NRG3: variants seen among roughly 807,000 people sequenced by gnomAD.
The protein encoded by NRG3 is neuregulin 3.
Under a neutral mutation model 66.9 loss-of-function variants are expected in NRG3, and 31 were observed. The observed-to-expected ratio is 0.46, with a 90% CI of 0.35 to 0.63. NRG3 has a LOEUF of 0.63. Among genes scored for constraint, NRG3 ranks in the 20% least tolerant of loss-of-function variants. The pLI, the probability that NRG3 is intolerant of heterozygous loss-of-function variation, is 0.00. For synonymous variants in NRG3, 393 were observed against 359.4 expected (o/e 1.09, Z -1.06); for missense variants, 910 against 878.9 (o/e 1.04, Z -0.45).
intron 7 of NRG3, among the ~76,000 whole-genome samples, chr10:82,974,694 T>G (rs1232749360): frequency 5.3e-5 from 8 of 152,140 alleles, no homozygotes; most frequent in African/African-American, 1.9e-4. Flanking sequence ...TTTGAAAAAA[T>G]TATGAAAAAT....
At chr10:82,709,357 T>G (rs1292966228) in intron 2 of NRG3, among the ~76,000 whole-genome samples, 4 of 148,200 alleles carry the variant, frequency 2.7e-5, no homozygotes, top group East Asian at 2.0e-4. Context: ...CAGCAGCTGG[T>G]TTTTTTTTGT....
chr10:82,830,159 A>G (rs1323425268), intron 3 of NRG3, among the ~76,000 whole-genome samples: 2 of 152,220 alleles, frequency 1.3e-5, no homozygotes, highest in African/African-American at 4.8e-5. Flanking sequence ...TTGCAGAGTC[A>G]TAAGTCATGT....
intron 1 of NRG3, among the ~76,000 whole-genome samples, chr10:82,017,299 G>A (rs985000646): frequency 2.0e-5 from 3 of 152,182 alleles, no homozygotes; most frequent in African/African-American, 7.2e-5. Flanking sequence ...ATTCCATGGT[G>A]TATATGTGCC....
In NRG3 at chr10:82,986,281, G is replaced by A. The variant is rs753162797; in HGVS notation, c.*676G>A. The A allele has an allele frequency of 6.6e-6, 1 of 152,086 alleles. No individual in the cohort carries two copies. The highest frequency in any genetic ancestry group is 1.5e-5 in the Non-Finnish European group (1 of 68,036). 9.4% of individuals were successfully genotyped at this position (152,086 alleles called of 1,614,324 possible). A position where few individuals can be genotyped will look rare whatever the true frequency, so the allele number is the denominator to read the frequency against. Reference sequence around the variant, plus strand: ...AAAGAGACAAAAAAATCCTTATATCGTGTCACTAAAATCATGCTAATAGAA... The same window carrying A: ...AAAGAGACAAAAAAATCCTTATATCATGTCACTAAAATCATGCTAATAGAA... On this transcript the variant is annotated 3_prime_UTR_variant, in exon 9 of 9. Coordinates refer to ENST00000372141, the MANE Select transcript of NRG3 (RefSeq NM_001010848.4).
chr10:82,345,728 CTTT>C (rs908255817), intron 1 of NRG3, among the ~76,000 whole-genome samples: 5 of 151,888 alleles, frequency 3.3e-5, no homozygotes, highest in Non-Finnish European at 7.4e-5. Context: ...TTTGTATCCT[CTTT>C]TATTTCCTTG....
At chr10:82,806,954 T>C (rs1461361310) in intron 3 of NRG3, among the ~76,000 whole-genome samples, 1 of 152,246 alleles carries the variant, frequency 6.6e-6, no homozygotes, top group Non-Finnish European at 1.5e-5. Flanking sequence ...TACATAGACT[T>C]TAAAGACTCA....
intron 1 of NRG3, among the ~76,000 whole-genome samples, chr10:82,012,434 C>T (rs2061618426): frequency 6.6e-6 from 1 of 152,184 alleles, no homozygotes; most frequent in South Asian, 2.1e-4. Flanking sequence ...GACATTTTAC[C>T]CATTGTCTTG....
At chr10:82,731,767 T>C (rs1306378871) in intron 2 of NRG3, among the ~76,000 whole-genome samples, 1 of 152,200 alleles carries the variant, frequency 6.6e-6, no homozygotes, top group Non-Finnish European at 1.5e-5. Context: ...CATACTAATT[T>C]TATTTCCTTT....
chr10:82,334,802 TTCTTC>T (rs1270193255), intron 1 of NRG3, among the ~76,000 whole-genome samples: 1 of 152,182 alleles, frequency 6.6e-6, no homozygotes, highest in Non-Finnish European at 1.5e-5. Context: ...TAATATGCAG[TTCTTC>T]TCTTAATAAA....
At chr10:82,116,006 G>A (rs1739766) in intron 1 of NRG3, among the ~76,000 whole-genome samples, 16 of 151,900 alleles carry the variant, frequency 1.1e-4, no homozygotes, top group African/African-American at 3.6e-4. Flanking sequence ...GTCAATGGGG[G>A]TATTTTGTCA....
chr10:82,142,789 A>G (rs573994832), intron 1 of NRG3, among the ~76,000 whole-genome samples: 2 of 115,070 alleles, frequency 1.7e-5, no homozygotes, highest in Admixed American at 2.1e-4. Flanking sequence ...TTTTTTTGAG[A>G]CAGAGCAAGA....
rs1377037838 is a variant in NRG3, at chr10:82,350,156, G to C, written c.824-8583G>C. 6.6e-5 allele frequency among the ~76,000 whole-genome samples: 10 copies of C among 152,260 alleles called. No individual in the cohort carries two copies. In the East Asian group the frequency reaches 1.9e-3, roughly 29 times the overall value. ...AAAAAAACCTTGATTATTAGCCTCA[G>C]GTATGTTCACAAAAGTATAGATATG... On this transcript the variant is annotated intron_variant, in intron 1 of 8. Coordinates refer to ENST00000372141, the MANE Select transcript of NRG3 (RefSeq NM_001010848.4).
intron 3 of NRG3, among the ~76,000 whole-genome samples, chr10:82,826,402 A>C (rs2062209807): frequency 6.6e-6 from 1 of 152,230 alleles, no homozygotes; most frequent in South Asian, 2.1e-4. Flanking sequence ...AAAGATGCGT[A>C]AGTTTCTGTT....
chr10:82,551,062 A>G (rs542553238), intron 2 of NRG3, among the ~76,000 whole-genome samples: 1 of 152,286 alleles, frequency 6.6e-6, no homozygotes, highest in South Asian at 2.1e-4. Flanking sequence ...TAAATATCCA[A>G]TGACATAATA....
chr10:82,335,794 A>G (rs994893830), intron 1 of NRG3, among the ~76,000 whole-genome samples: 2 of 152,362 alleles, frequency 1.3e-5, no homozygotes, highest in Admixed American at 1.3e-4. Flanking sequence ...CATCTTCTAC[A>G]TATATTTTTT....
chr10:82,136,388 C>A (rs1265795883), intron 1 of NRG3, among the ~76,000 whole-genome samples: 1 of 151,676 alleles, frequency 6.6e-6, no homozygotes, highest in Non-Finnish European at 1.5e-5. Flanking sequence ...ATGTGGAAAT[C>A]CAGCCAGGCG....
At chr10:82,963,201 A>G (rs766221851) in intron 6 of NRG3, among the ~76,000 whole-genome samples, 10 of 152,214 alleles carry the variant, frequency 6.6e-5, no homozygotes, top group Non-Finnish European at 1.2e-4. Context: ...GCCTAAAGGA[A>G]AACAAACAAA....
rs756395279 is a variant in NRG3 at position 81,876,132 on chromosome 10, C to T, written c.792C>T (p.Thr264=). 2.5e-6 allele frequency: 4 copies of T among 1,602,488 alleles called. No homozygotes were observed. Among genetic ancestry groups the T allele is most frequent in the African/African-American group, 2.7e-5 (2 of 74,558 alleles). The change falls in exon 1 of 9, where the codon ACC becomes ACT. Residue 264 remains threonine (T), a synonymous_variant. Transcript: ENST00000372141. ...SSSSSSSATT[T]TPETSTSPKF... is the part of the protein sequence containing the mutation. ...CTTCTTCCTCCTCCGCTACCACCAC[C>T]ACACCAGAAACTAGCACCAGCCCCA...
At chr10:82,855,535 C>T (rs563381175) in intron 3 of NRG3, among the ~76,000 whole-genome samples, 1 of 152,028 alleles carries the variant, frequency 6.6e-6, no homozygotes, top group South Asian at 2.1e-4. Context: ...GTAGCTGGGA[C>T]TATAAGCACA....
Sources: gnomAD v4.1 joint callset for allele counts (sites outside exome capture counted in the v4.1 genomes callset) on GRCh38, gnomAD v4.1.1 for gene constraint, MANE v1.5 for transcripts, NCBI Gene and HGNC (gene_info 2026-07-23, HGNC 2026-07-21) for gene names.